Variants in TJP2 observed in about 807,000 individuals in gnomAD.
The protein encoded by TJP2 is tight junction protein 2, also known as Friedreich ataxia region gene X104 (tight junction protein ZO-2).
In TJP2, 91 loss-of-function variants were observed where a neutral mutation model predicts 133.1. The ratio of observed to expected loss-of-function variants is 0.68; its 90% CI spans 0.58 to 0.81. TJP2 has a LOEUF of 0.81. TJP2 is among the 40% of genes least tolerant of loss of function. The pLI is 0.00. For synonymous variants in TJP2, 592 were observed against 583.4 expected, an observed-to-expected ratio of 1.01 and a Z score of -0.21; for missense variants, 1,541 against 1,565.6, an observed-to-expected ratio of 0.98 and a Z score of 0.26.
At chr9:69,236,819 T>G in intron 13 of TJP2, 130 bp from the exon 14 acceptor site, 1 of 1,128,688 alleles carries the variant, frequency 8.9e-7, no homozygotes. Context: ...TCCCACCCTC[T>G]GAAACTTCTT....
At chr9:69,159,184 G>A (rs1339084803) in intron 2 of TJP2, among the ~76,000 whole-genome samples, 4 of 151,984 alleles carry the variant, frequency 2.6e-5, no homozygotes, top group East Asian at 3.9e-4. Flanking sequence ...GTGTGGTGGC[G>A]GGCGCCTGTA....
chr9:69,161,846 G>T (rs895230240), intron 2 of TJP2, among the ~76,000 whole-genome samples: 6 of 150,116 alleles, frequency 4.0e-5, no homozygotes, highest in Admixed American at 4.0e-4. Context: ...TCAGGAATTT[G>T]AGACCAGCCT....
At chr9:69,133,546 C>CTTTTTTTTTTTTTTTTT (rs10577570) in intron 1 of TJP2, among the ~76,000 whole-genome samples, 2 of 104,782 alleles carry the variant, frequency 1.9e-5, no homozygotes, top group African/African-American at 7.8e-5. Context: ...ATTTTTCTGG[C>CTTTTTTTTTTTTTTTTT]TTTTTTTTTT....
intron 1 of TJP2, among the ~76,000 whole-genome samples, chr9:69,189,154 T>C (rs1437680753): frequency 6.6e-6 from 1 of 152,134 alleles, no homozygotes; most frequent in Non-Finnish European, 1.5e-5. Flanking sequence ...GGAATGAAGA[T>C]AGGGAATTTT....
At chr9:69,217,134 G>A (rs1181975369) in intron 3 of TJP2, among the ~76,000 whole-genome samples, 1 of 151,996 alleles carries the variant, frequency 6.6e-6, no homozygotes, top group Non-Finnish European at 1.5e-5. Flanking sequence ...GGGATTACAG[G>A]TGCCTGCCAC....
intron 1 of TJP2, among the ~76,000 whole-genome samples, chr9:69,204,146 A>C (rs1367980306): frequency 6.6e-6 from 1 of 152,182 alleles, no homozygotes; most frequent in Non-Finnish European, 1.5e-5. Context: ...CCCCACAGCT[A>C]AGTGACAGGA....
intron 1 of TJP2, among the ~76,000 whole-genome samples, chr9:69,144,345 G>A (rs147955783): frequency 1.3e-5 from 2 of 152,180 alleles, no homozygotes; most frequent in African/African-American, 2.4e-5. Flanking sequence ...TAAGATTTGC[G>A]GGGATGGGGA....
chr9:69,254,402 T>G lies in TJP2; in HGVS notation c.*28T>G. ...GTCTGAGCACGGACTCTCCCAGGCC[T>G]GCCTGCATGGCATCAGACTAGCCAC... On this transcript the variant is annotated 3_prime_UTR_variant, in exon 23 of 23. Transcript: ENST00000377245. 1 of 1,613,146 alleles carries G rather than the reference T, an allele frequency of 6.2e-7. No homozygotes were observed. The highest frequency in any genetic ancestry group is 8.5e-7 in the Non-Finnish European group (1 of 1,180,006).
At chr9:69,204,392 C>T (rs1379819229) in intron 1 of TJP2, among the ~76,000 whole-genome samples, 1 of 152,162 alleles carries the variant, frequency 6.6e-6, no homozygotes. Context: ...AATTCCTAAC[C>T]CCAGCTCCCA....
intron 2 of TJP2, among the ~76,000 whole-genome samples, chr9:69,162,190 TTA>T (rs1047997850): frequency 6.7e-6 from 1 of 148,288 alleles, no homozygotes; most frequent in African/African-American, 2.4e-5. Context: ...TAATTTTGTA[TTA>T]TATATTATAT....
In TJP2 at chr9:69,236,325, A is replaced by C. The variant is rs1830189234; in HGVS notation, c.1991+87A>C. 3 of 1,341,754 alleles carry C rather than the reference A, an allele frequency of 2.2e-6. No individual in the cohort carries two copies. The African/African-American group carries it at 4.3e-5, about 19-fold the overall frequency. 83.1% of individuals were successfully genotyped at this position (1,341,754 alleles called of 1,614,324 possible). On this transcript the variant is annotated intron_variant, in intron 13 of 22. Transcript: ENST00000377245. ...CCGCCCCCCTTCCCCCGTAAAAGGAAACCCCACATGATGAGTTCATTACTT... is the reference window on the plus strand; with the variant it reads ...CCGCCCCCCTTCCCCCGTAAAAGGACACCCCACATGATGAGTTCATTACTT...
intron 1 of TJP2, among the ~76,000 whole-genome samples, chr9:69,132,632 G>A (rs774724800): frequency 6.6e-6 from 1 of 152,182 alleles, no homozygotes. Context: ...CTTAACAGGC[G>A]CTTATCAATG....
At position 69,214,877 on chromosome 9, in the gene TJP2, A is replaced by AAAC. The variant is rs1554658896; in HGVS notation, c.115-1460_115-1459insCAA. Among the ~76,000 whole-genome samples, 6 of 151,782 alleles carry AAAC rather than the reference A, an allele frequency of 4.0e-5. No individual in the cohort carries two copies. The South Asian group carries it at 6.3e-4, about 16-fold the overall frequency. ...GCAAGACTCCATCTCAAAAAAAAAA[A>AAAC]AAACAAACAAATCCATTTACTTCTT... is the stretch of plus-strand genomic sequence containing the variant. On this transcript the variant is annotated intron_variant, in intron 2 of 22. Transcript: ENST00000377245.
At chr9:69,223,100 G>A (rs937471679) in intron 5 of TJP2, among the ~76,000 whole-genome samples, 1 of 139,002 alleles carries the variant, frequency 7.2e-6, no homozygotes, top group Non-Finnish European at 1.5e-5. Flanking sequence ...AAGAAACCAT[G>A]GGGTGGGCCC....
At chr9:69,241,212 A>G (rs538748695) in intron 17 of TJP2, among the ~76,000 whole-genome samples, 11 of 152,374 alleles carry the variant, frequency 7.2e-5, no homozygotes, top group African/African-American at 2.4e-4. Flanking sequence ...GTCTAAGAAC[A>G]TGACATATTT....
At chr9:69,217,605 T>C (rs1165896254) in intron 3 of TJP2, among the ~76,000 whole-genome samples, 2 of 152,082 alleles carry the variant, frequency 1.3e-5, no homozygotes, top group Non-Finnish European at 2.9e-5. Flanking sequence ...TCCTTTGAGC[T>C]CGGGAAGTTG....
At chr9:69,196,705 TCAC>T in intron 1 of TJP2, among the ~76,000 whole-genome samples, 1 of 152,206 alleles carries the variant, frequency 6.6e-6, no homozygotes, top group South Asian at 2.1e-4. Flanking sequence ...TGTGTGGCCA[TCAC>T]CACAATTCAT....
At chr9:69,226,291 T>C (rs568559053) in intron 7 of TJP2, 116 bp downstream of exon 7, 2 of 1,203,096 alleles carry the variant, frequency 1.7e-6, no homozygotes, top group African/African-American at 1.5e-5. Context: ...AAAGACCCCT[T>C]GAAACCTTAA....
intron 1 of TJP2, among the ~76,000 whole-genome samples, chr9:69,203,534 C>A (rs1189297659): frequency 6.7e-6 from 1 of 150,156 alleles, no homozygotes; most frequent in East Asian, 2.0e-4. Context: ...GAACTCCTGG[C>A]CTCAGGTGAT....
Sources: allele counts gnomAD v4.1 joint callset (sites outside exome capture counted in the v4.1 genomes callset), GRCh38; gene constraint gnomAD v4.1.1; transcripts MANE v1.5; gene names NCBI Gene and HGNC (gene_info 2026-07-23, HGNC 2026-07-21).